The following PTGER3 variants were observed in gnomAD, a reference collection of about 807,000 sequenced individuals.
PTGER3 encodes the protein prostaglandin E2 receptor EP3 subtype.
A neutral mutation model predicts 34.7 loss-of-function variants in PTGER3; 22 were observed. The ratio of observed to expected loss-of-function variants is 0.63; its 90% CI spans 0.45 to 0.91. The LOEUF is 0.91. PTGER3 is among the 40% of genes least tolerant of loss of function. The pLI is 0.00. For missense variants in PTGER3, 468 were observed against 519.4 expected, an observed-to-expected ratio of 0.90 and a Z score of 0.96; for synonymous variants, 241 against 230.1, an observed-to-expected ratio of 1.05 and a Z score of -0.43.
intron 1 of PTGER3, among the ~76,000 whole-genome samples, chr1:71,028,364 G>C (rs1444005315): frequency 6.6e-6 from 1 of 152,178 alleles, no homozygotes; most frequent in Non-Finnish European, 1.5e-5. Context: ...TACTGCGAAA[G>C]AGAGATGCGG....
At chr1:71,030,394 TCAAAA>T (rs952368773) in intron 1 of PTGER3, among the ~76,000 whole-genome samples, 3 of 152,222 alleles carry the variant, frequency 2.0e-5, no homozygotes, top group African/African-American at 7.2e-5. Context: ...TTTAGAACTG[TCAAAA>T]CAAAGTTTCT....
intron 4 of PTGER3, among the ~76,000 whole-genome samples, chr1:70,916,471 G>A (rs913468098): frequency 6.6e-6 from 1 of 152,058 alleles, no homozygotes; most frequent in Non-Finnish European, 1.5e-5. Flanking sequence ...CAAAGACATA[G>A]AATCAACCTA....
chr1:70,928,320 A>T (rs1201606442), intron 4 of PTGER3, among the ~76,000 whole-genome samples: 2 of 151,772 alleles, frequency 1.3e-5, no homozygotes, highest in Non-Finnish European at 2.9e-5. Context: ...TACAAAAAAA[A>T]AAAGTGGGTT....
In PTGER3 at chr1:71,040,041, GAA is replaced by G. The variant is rs1471910354; in HGVS notation, c.897+6638_897+6639del. ...TGGGTAGGCATTTTTGTTTCAGAAA[GAA>G]AGAGAGAGAGAGAAAGAAAGAAAGA... On this transcript the variant is annotated intron_variant, in intron 1 of 3. Coordinates refer to ENST00000306666, the MANE Select transcript of PTGER3 (RefSeq NM_198719.2). 7.5e-5 allele frequency among the ~76,000 whole-genome samples: 11 copies of G among 147,154 alleles called. No individual in the cohort carries two copies. The East Asian group carries it at 1.8e-3, about 24-fold the overall frequency.
At chr1:70,983,216 C>G (rs1017561286) in intron 2 of PTGER3, among the ~76,000 whole-genome samples, 2 of 151,346 alleles carry the variant, frequency 1.3e-5, no homozygotes, top group East Asian at 3.9e-4. Context: ...CTGGAATCAT[C>G]AGAGTGCTCG....
intron 4 of PTGER3, among the ~76,000 whole-genome samples, chr1:70,904,810 G>A (rs1646911587): frequency 1.3e-5 from 2 of 152,202 alleles, no homozygotes; most frequent in Admixed American, 1.3e-4. Flanking sequence ...CATTTTCTGA[G>A]GAGAAATTCA....
intron 2 of PTGER3, among the ~76,000 whole-genome samples, chr1:70,996,111 A>G (rs1655914179): frequency 1.3e-5 from 2 of 152,284 alleles, no homozygotes; most frequent in Middle Eastern, 3.4e-3. Flanking sequence ...TGATGCTATA[A>G]ACCTTGGAGT....
intron 2 of PTGER3, 31 bp from the exon 3 acceptor site, chr1:70,974,419 C>T (rs763863540): frequency 4.8e-6 from 4 of 837,342 alleles, no homozygotes; most frequent in South Asian, 1.3e-5. Context: ...TCACAGGACA[C>T]TTCCTTGAGT....
intron 2 of PTGER3, among the ~76,000 whole-genome samples, chr1:71,000,440 T>A (rs1226653842): frequency 1.3e-5 from 2 of 152,222 alleles, no homozygotes; most frequent in East Asian, 1.9e-4. Flanking sequence ...TTTAAAACGT[T>A]GTTAGTGTTC....
At chr1:71,038,296 T>A (rs933653610) in intron 1 of PTGER3, among the ~76,000 whole-genome samples, 8 of 152,202 alleles carry the variant, frequency 5.3e-5, no homozygotes, top group Non-Finnish European at 1.2e-4. Context: ...ATGTTTTAAA[T>A]TACACTTAAT....
chr1:70,962,967 T>A (rs1652091739), intron 2 of PTGER3, among the ~76,000 whole-genome samples: 1 of 152,296 alleles, frequency 6.6e-6, no homozygotes, highest in South Asian at 2.1e-4. Flanking sequence ...ACCAAGTTAG[T>A]TACTGCCTAG....
At chr1:70,858,198 ATTCT>A (rs1645851530) in intron 4 of PTGER3, among the ~76,000 whole-genome samples, 1 of 94,710 alleles carries the variant, frequency 1.1e-5, no homozygotes, top group Non-Finnish European at 2.0e-5. Flanking sequence ...CAAAACACAG[ATTCT>A]TTTTTTTTTT....
At chr1:71,036,561 C>T (rs1479005261) in intron 1 of PTGER3, among the ~76,000 whole-genome samples, 3 of 151,812 alleles carry the variant, frequency 2.0e-5, no homozygotes, top group South Asian at 2.1e-4. Flanking sequence ...AAGAAAGGGG[C>T]CCGGCACAGT....
intron 2 of PTGER3, among the ~76,000 whole-genome samples, chr1:70,980,419 C>T (rs1654143138): frequency 6.6e-6 from 1 of 151,984 alleles, no homozygotes; most frequent in African/African-American, 2.4e-5. Flanking sequence ...CAGTTTCCTT[C>T]TTGGTGGAAT....
intron 1 of PTGER3, among the ~76,000 whole-genome samples, chr1:71,040,073 G>A (rs1343849263): frequency 6.7e-6 from 1 of 149,672 alleles, no homozygotes; most frequent in East Asian, 2.0e-4. Context: ...GAAAGAGAGG[G>A]AGGGAGGGAA....
chr1:70,998,987 G>A (rs992382049), intron 2 of PTGER3, among the ~76,000 whole-genome samples: 1 of 152,060 alleles, frequency 6.6e-6, no homozygotes, highest in Non-Finnish European at 1.5e-5. Context: ...CGAGACCATC[G>A]TGGCTAACAC....
intron 4 of PTGER3, among the ~76,000 whole-genome samples, chr1:70,853,232 C>T (rs1416135197): frequency 3.3e-5 from 5 of 152,166 alleles, no homozygotes; most frequent in Non-Finnish European, 5.9e-5. Context: ...TGCTTGCAGA[C>T]ATAAAAACAT....
intron 4 of PTGER3, among the ~76,000 whole-genome samples, chr1:70,944,274 A>C (rs1275310579): frequency 2.0e-5 from 3 of 152,156 alleles, no homozygotes; most frequent in Admixed American, 2.0e-4. Context: ...CAATAACTCT[A>C]TCAGCAATAT....
intron 4 of PTGER3, among the ~76,000 whole-genome samples, chr1:70,880,252 T>TC (rs1646361324): frequency 6.6e-6 from 1 of 152,148 alleles, no homozygotes; most frequent in Non-Finnish European, 1.5e-5. Context: ...TATTTAGCAC[T>TC]CCCTTAATGA....
Sources: allele counts gnomAD v4.1 joint callset (sites outside exome capture counted in the v4.1 genomes callset), GRCh38; gene constraint gnomAD v4.1.1; transcripts MANE v1.5; gene names NCBI Gene and HGNC (gene_info 2026-07-23, HGNC 2026-07-21).